AP3S2: variants seen among roughly 807,000 people sequenced by gnomAD.
AP3S2 encodes the protein AP-3 complex subunit sigma-2.
AP3S2 carries 22 observed loss-of-function variants against 23.4 expected under a neutral mutation model. The ratio of observed to expected loss-of-function variants is 0.94; its 90% CI spans 0.67 to 1.34. The LOEUF (loss-of-function observed/expected upper bound fraction) is 1.34. Ranked by LOEUF, AP3S2 falls within the 40% of genes most tolerant of loss-of-function variation. The pLI is 0.00. For synonymous variants in AP3S2, 86 were observed against 87.1 expected, an observed-to-expected ratio of 0.99 and a Z score of 0.07; for missense variants, 241 against 236.9, an observed-to-expected ratio of 1.02 and a Z score of -0.11.
At chr15:89,841,414 C>T (rs955901255) in intron 4 of AP3S2, among the ~76,000 whole-genome samples, 1 of 152,140 alleles carries the variant, frequency 6.6e-6, no homozygotes, top group African/African-American at 2.4e-5. Flanking sequence ...AAGGATGCTA[C>T]AGGGAGAGGA....
intron 4 of AP3S2, among the ~76,000 whole-genome samples, chr15:89,853,188 T>C (rs1174775833): frequency 6.6e-6 from 1 of 152,078 alleles, no homozygotes; most frequent in Non-Finnish European, 1.5e-5. Flanking sequence ...TAGTAAAAAA[T>C]ACATTTTTAA....
In AP3S2 at chr15:89,871,485, T is replaced by C. The variant is rs753501097; in HGVS notation, c.335A>G (p.His112Arg). The change falls in exon 4 of 6, where the codon CAT becomes CGT. Residue 112 changes from histidine (H) to arginine (R), a missense_variant. By Grantham distance (29) the His-to-Arg change is conservative. Transcript: ENST00000336418. Reference protein sequence around the residue: ...ENVCELDLIFHMDKVHYILQE... With the variant: ...ENVCELDLIFRMDKVHYILQE... ...TGCAAGAGAATATACCTTATCCATA[T>C]GGAAGATCAAATCCAATTCACACAC... is the stretch of plus-strand genomic sequence containing the variant. The C allele has an allele frequency of 8.1e-6, 13 of 1,613,548 alleles. No homozygotes were observed. In the Admixed American group the frequency reaches 1.2e-4, roughly 14 times the overall value.
At chr15:89,860,040 C>T (rs941724838) in intron 4 of AP3S2, among the ~76,000 whole-genome samples, 1 of 152,198 alleles carries the variant, frequency 6.6e-6, no homozygotes, top group Non-Finnish European at 1.5e-5. Context: ...GCTGGGATTA[C>T]AGGCATGAGC....
At chr15:89,885,441 G>A (rs1469821497) in intron 3 of AP3S2, among the ~76,000 whole-genome samples, 4 of 151,966 alleles carry the variant, frequency 2.6e-5, no homozygotes, top group Admixed American at 1.3e-4. Context: ...GGTCTCAAGT[G>A]ATCCACCCTC....
At chr15:89,860,507 C>T (rs1384517923) in intron 4 of AP3S2, among the ~76,000 whole-genome samples, 1 of 152,130 alleles carries the variant, frequency 6.6e-6, no homozygotes, top group Admixed American at 6.5e-5. Flanking sequence ...GACAGAGCAA[C>T]ATTTCATCAT....
chr15:89,867,379 C>A (rs965464310), intron 4 of AP3S2, among the ~76,000 whole-genome samples: 1 of 151,564 alleles, frequency 6.6e-6, no homozygotes, highest in African/African-American at 2.4e-5. Flanking sequence ...CACCTCCCAG[C>A]CGCCTGCCTT....
chr15:89,855,945 TAAAA>T (rs34784306), intron 4 of AP3S2, among the ~76,000 whole-genome samples: 8,616 of 112,022 alleles, frequency 0.077, 224 homozygotes, highest in African/African-American at 0.098. Context: ...ATATGTCCTT[TAAAA>T]AAAAAAAAAA....
At chr15:89,860,352 G>A (rs1221808235) in intron 4 of AP3S2, among the ~76,000 whole-genome samples, 1 of 151,966 alleles carries the variant, frequency 6.6e-6, no homozygotes, top group East Asian at 1.9e-4. Flanking sequence ...TGCACTTTGG[G>A]GCCATTATGA....
At chr15:89,837,400 T>C (rs745751936) in intron 5 of AP3S2, among the ~76,000 whole-genome samples, 1 of 152,242 alleles carries the variant, frequency 6.6e-6, no homozygotes, top group Non-Finnish European at 1.5e-5. Context: ...TTTGCTCTTC[T>C]ACCCTGAAAA....
chr15:89,881,349 T>A (rs1327724096), intron 3 of AP3S2, among the ~76,000 whole-genome samples: 2 of 152,220 alleles, frequency 1.3e-5, no homozygotes, highest in Non-Finnish European at 2.9e-5. Flanking sequence ...AAAAATGGAT[T>A]ATTTACACTT....
intron 3 of AP3S2, among the ~76,000 whole-genome samples, chr15:89,874,335 T>C (rs568541607): frequency 7.2e-5 from 11 of 152,316 alleles, no homozygotes; most frequent in Middle Eastern, 3.4e-3. Context: ...TCCATGGTTA[T>C]TTGCTTCCCT....
chr15:89,855,919 T>G (rs1895821341), intron 4 of AP3S2, among the ~76,000 whole-genome samples: 1 of 134,604 alleles, frequency 7.4e-6, no homozygotes, highest in Admixed American at 8.0e-5. Flanking sequence ...TTCCAGCATG[T>G]GTATGAATAA....
chr15:89,866,610 T>C (rs1371739638), intron 4 of AP3S2, among the ~76,000 whole-genome samples: 2 of 151,788 alleles, frequency 1.3e-5, no homozygotes, highest in Non-Finnish European at 2.9e-5. Context: ...CTCAGCCTCC[T>C]GAGTAGCTGG....
intron 4 of AP3S2, among the ~76,000 whole-genome samples, chr15:89,868,506 G>C (rs1464777786): frequency 1.4e-4 from 7 of 48,608 alleles, no homozygotes; most frequent in East Asian, 8.2e-4. Context: ...CGCCCGGTCC[G>C]GGAGGGAGGT....
chr15:89,885,217 T>TA (rs1346486865), intron 3 of AP3S2, among the ~76,000 whole-genome samples: 2 of 151,882 alleles, frequency 1.3e-5, no homozygotes, highest in Admixed American at 6.6e-5. Context: ...TTTTTTGAGA[T>TA]AGAGTCTCGC....
intron 3 of AP3S2, among the ~76,000 whole-genome samples, chr15:89,882,394 G>A (rs1227119321): frequency 2.8e-5 from 4 of 145,296 alleles, no homozygotes; most frequent in East Asian, 2.0e-4. Flanking sequence ...ACGGAGTTTC[G>A]CTCTTGTTGC....
At position 89,833,380 on chromosome 15, in the gene AP3S2, A is replaced by G. The variant is rs1262925489; in HGVS notation, c.*2135T>C. The stretch of plus-strand genomic sequence containing the variant: ...GATAACATTGGGAGAAGCCATCTTA[A>G]GCAGCGAGGAAAGAAAAGGACAGTG... On this transcript the variant is annotated 3_prime_UTR_variant, in exon 6 of 6. Coordinates refer to ENST00000336418, the MANE Select transcript of AP3S2 (RefSeq NM_005829.5). 6.6e-6 allele frequency: 1 copy of G among 152,224 alleles called. No individual in the cohort carries two copies. Among genetic ancestry groups the G allele is most frequent in the Non-Finnish European group, 1.5e-5 (1 of 68,032 alleles). 9.4% of individuals were successfully genotyped at this position (152,224 alleles called of 1,614,324 possible).
intron 4 of AP3S2, among the ~76,000 whole-genome samples, chr15:89,844,209 C>CTCTTTCTTTCTT (rs71151535): frequency 1.5e-5 from 2 of 129,108 alleles, no homozygotes; most frequent in Non-Finnish European, 3.5e-5. Flanking sequence ...TTCTTTCTTT[C>CTCTTTCTTTCTT]TCTTTCTTTC....
At chr15:89,879,836 A>G (rs1435581341) in intron 3 of AP3S2, among the ~76,000 whole-genome samples, 3 of 151,876 alleles carry the variant, frequency 2.0e-5, no homozygotes, top group Non-Finnish European at 4.4e-5. Context: ...TTGAACTCCT[A>G]ACCTCAAAGT....
Sources: gnomAD v4.1 joint callset for allele counts (sites outside exome capture counted in the v4.1 genomes callset) on GRCh38, gnomAD v4.1.1 for gene constraint, MANE v1.5 for transcripts, NCBI Gene and HGNC (gene_info 2026-07-23, HGNC 2026-07-21) for gene names.